CREBZF: variants seen among roughly 807,000 people sequenced by gnomAD.
The protein encoded by CREBZF is CREB/ATF bZIP transcription factor, also known as HCF-binding transcription factor Zhangfei.
In CREBZF, 8 loss-of-function variants were observed where a neutral mutation model predicts 21.1. That is an observed-to-expected ratio of 0.38 (90% CI 0.22 to 0.68). CREBZF has a LOEUF of 0.68. CREBZF is among the 30% of genes least tolerant of loss of function. The pLI is 0.51. For synonymous variants in CREBZF, 270 were observed against 223.3 expected, an observed-to-expected ratio of 1.21 and a Z score of -1.86; for missense variants, 518 against 484.3, an observed-to-expected ratio of 1.07 and a Z score of -0.65.
In CREBZF at chr11:85,663,973, G is replaced by C. The variant is rs746680433; in HGVS notation, c.903C>G (p.Ala301=). Residue 301 remains alanine (A), a synonymous_variant, in exon 1 of 1, where the codon GCC becomes GCG. Transcript: ENST00000527447. Reference sequence around the variant, plus strand: ...CCGGCAGAGCGTAGTCGTGGTCACCGGCGGGCGAGTCTCTGAAGAGCGAGG... The same window carrying C: ...CCGGCAGAGCGTAGTCGTGGTCACCCGCGGGCGAGTCTCTGAAGAGCGAGG... ...LTTSLFRDSP[A]GDHDYALPVG... is the part of the protein sequence containing the mutation. 1.2e-5 allele frequency: 19 copies of C among 1,613,176 alleles called. No individual in the cohort carries two copies. The highest frequency in any genetic ancestry group is 1.7e-5 in the Admixed American group (1 of 60,004).
chr11:85,664,773 G>A lies in CREBZF; in HGVS notation c.103C>T (p.Leu35=), dbSNP rs767889807. The A allele has an allele frequency of 5.6e-6, 9 of 1,596,164 alleles. No individual in the cohort carries two copies. In the African/African-American group the frequency reaches 1.2e-4, roughly 22 times the overall value. The change falls in exon 1 of 1, where the codon CTG becomes TTG. Residue 35 remains leucine, a synonymous_variant. Coordinates refer to ENST00000527447, the MANE Select transcript of CREBZF (RefSeq NM_001039618.4). The surrounding 1 kb of genome is among the most constrained non-coding windows in gnomAD (Gnocchi z 5.5). ...TCCTCCCCCGCTGCAGCCCGGGTCA[G>A]GTCAGAGGGCAGCGAACAAGTTGCA... The part of the protein sequence containing the change: ...PAATCSLPSD[L]TRAAAGEEET...
chr11:85,673,329 T>A (rs1251148057), intron 1 of CREBZF, among the ~76,000 whole-genome samples: 1 of 152,232 alleles, frequency 6.6e-6, no homozygotes, highest in Non-Finnish European at 1.5e-5. Flanking sequence ...TCGGAGATAC[T>A]GCAGATTTGA....
intron 1 of CREBZF, among the ~76,000 whole-genome samples, chr11:85,672,660 G>A (rs1591490152): frequency 6.6e-6 from 1 of 152,164 alleles, no homozygotes; most frequent in African/African-American, 2.4e-5. Context: ...ATGGAGGGAG[G>A]TTTCAGTTCC....
intron 1 of CREBZF, among the ~76,000 whole-genome samples, chr11:85,671,182 A>C (rs2082908956): frequency 6.6e-6 from 1 of 152,200 alleles, no homozygotes; most frequent in Non-Finnish European, 1.5e-5. Context: ...TAGGCAAGAG[A>C]GCATATGTAG....
chr11:85,667,919 A>C (rs191808952), upstream of CREBZF, among the ~76,000 whole-genome samples: 23 of 152,246 alleles, frequency 1.5e-4, no homozygotes, highest in African/African-American at 4.8e-4. Context: ...GCAGTAAGCC[A>C]AGATCACGCC....
intron 1 of CREBZF, among the ~76,000 whole-genome samples, chr11:85,676,593 C>T (rs2082943950): frequency 6.6e-6 from 1 of 152,070 alleles, no homozygotes; most frequent in South Asian, 2.1e-4. Flanking sequence ...CATGTCGTTT[C>T]ATCCCTATAC....
chr11:85,663,939 G>C lies in CREBZF; in HGVS notation c.937C>G (p.Gln313Glu), dbSNP rs749384145. The C allele has an allele frequency of 3.3e-5, 53 of 1,613,732 alleles. No individual in the cohort carries two copies. Among genetic ancestry groups the C allele is most frequent in the Middle Eastern group, 1.6e-4 (1 of 6,084 alleles). ...DHDYALPVGK[Q>E]KQDLLEEDDS... ...TCCTCTTCCAGCAGGTCCTGCTTCT[G>C]CTTTCCCACCGGCAGAGCGTAGTCG... Residue 313 changes from glutamine to glutamate, a missense_variant, in exon 1 of 1, where the codon CAG (glutamine) becomes GAG (glutamate). Coordinates refer to ENST00000527447, the MANE Select transcript of CREBZF (RefSeq NM_001039618.4).
rs958875699 is a variant in CREBZF at position 85,661,372 on chromosome 11, C to T, written c.*2439G>A. On this transcript the variant is annotated 3_prime_UTR_variant, in exon 1 of 1. Coordinates refer to ENST00000527447, the MANE Select transcript of CREBZF (RefSeq NM_001039618.4). ...AACTGAGAAAAGACAGTTAATAAAA[C>T]ATAAGGAACCTAACAAAGCAGCTTT... is the stretch of plus-strand genomic sequence containing the variant. 10 of 151,804 alleles carry T rather than the reference C, an allele frequency of 6.6e-5. No homozygotes were observed. The highest frequency in any genetic ancestry group is 2.4e-4 in the African/African-American group (10 of 41,200). 9.4% of individuals were successfully genotyped at this position (151,804 alleles called of 1,614,324 possible). A position where few individuals can be genotyped will look rare whatever the true frequency, so the allele number is the denominator to read the frequency against.
rs570905085 is a variant in CREBZF, at chr11:85,679,825, C to T, written n.147+2892G>A. 2.6e-5 allele frequency among the ~76,000 whole-genome samples: 4 copies of T among 152,334 alleles called. No homozygotes were observed. In the East Asian group the frequency reaches 7.7e-4, roughly 29 times the overall value. On this transcript the variant is annotated intron_variant and non_coding_transcript_variant, in intron 1 of 3. Coordinates refer to the CREBZF transcript ENST00000531515. The stretch of plus-strand genomic sequence containing the variant: ...TGGCTTTATCTAAAATATGCCGTGC[C>T]TACCCAGTTCTTGGAGAGGGGAAAA...
At chr11:85,678,140 C>T (rs1256126694) in intron 1 of CREBZF, among the ~76,000 whole-genome samples, 1 of 152,134 alleles carries the variant, frequency 6.6e-6, no homozygotes, top group Non-Finnish European at 1.5e-5. Context: ...TGACAGAATT[C>T]CATTAGTCTC....
At chr11:85,682,247 T>C (rs533397792) in intron 1 of CREBZF, among the ~76,000 whole-genome samples, 47 of 152,184 alleles carry the variant, frequency 3.1e-4, no homozygotes, top group African/African-American at 1.1e-3. Flanking sequence ...ATTGCGATAA[T>C]TGAACCTCCC....
rs528108583 is a variant in CREBZF, at chr11:85,678,891, G to T, written n.147+3826C>A. ...GCACTAATACTTCAGCTGGTTTGCTGATCATAGATCTGAGTTTCCAAAGGG... is the reference window on the plus strand; with the variant it reads ...GCACTAATACTTCAGCTGGTTTGCTTATCATAGATCTGAGTTTCCAAAGGG... On this transcript the variant is annotated intron_variant and non_coding_transcript_variant, in intron 1 of 3. Coordinates refer to the CREBZF transcript ENST00000531515. Among the ~76,000 whole-genome samples the T allele has an allele frequency of 4.6e-5, 7 of 152,314 alleles. No homozygotes were observed. The South Asian group carries it at 8.3e-4, about 18-fold the overall frequency.
chr11:85,663,822 G>C lies in CREBZF; in HGVS notation c.1054C>G (p.Leu352Val). Residue 352 changes from leucine to valine, a missense_variant, in exon 1 of 1, where the codon CTT (leucine) becomes GTT (valine). Around this residue, in one of 3 missense-constraint regions of CREBZF, gnomAD observed 114 missense variants for 134.1 expected, o/e 0.85. Transcript: ENST00000527447. ...CAGATTACTTGACCCTACATTTTAA[G>C]AGAAGACGACGCCTTCCGGGCGCAC... is the stretch of plus-strand genomic sequence containing the variant. Reference protein sequence around the residue: ...SACARKASSSLKM With the variant: ...SACARKASSSVKM The C allele has an allele frequency of 1.3e-6, 2 of 1,599,830 alleles. No individual in the cohort carries two copies. Among genetic ancestry groups the C allele is most frequent in the Non-Finnish European group, 1.7e-6 (2 of 1,175,422 alleles).
At chr11:85,677,266 A>C (rs1303815977) in intron 1 of CREBZF, among the ~76,000 whole-genome samples, 1 of 152,006 alleles carries the variant, frequency 6.6e-6, no homozygotes, top group Admixed American at 6.6e-5. Flanking sequence ...CACCCGGCTT[A>C]AGTCATTTTT....
Position 85,660,537 on chromosome 11 carries a change from C to T in CREBZF, c.*3274G>A, listed in dbSNP as rs1591471293. The T allele has an allele frequency of 2.3e-6, 1 of 440,614 alleles. No homozygotes were observed. Among genetic ancestry groups the T allele is most frequent in the South Asian group, 1.6e-5 (1 of 61,360 alleles). The allele number at this position is 440,614 out of a possible 1,614,324, so 27.3% of individuals were successfully genotyped here. On this transcript the variant is annotated 3_prime_UTR_variant, in exon 1 of 1. Coordinates refer to ENST00000527447, the MANE Select transcript of CREBZF (RefSeq NM_001039618.4). Reference sequence around the variant, plus strand: ...CATGGTTCTCACAATTACTTTGTTACCAACAGTCCAGTCAGTTAACAGGTT... The same window carrying T: ...CATGGTTCTCACAATTACTTTGTTATCAACAGTCCAGTCAGTTAACAGGTT...
chr11:85,665,008 C>T lies in CREBZF; in HGVS notation c.-133G>A. 1.7e-6 allele frequency: 1 copy of T among 577,612 alleles called. No homozygotes were observed. The highest frequency in any genetic ancestry group is 3.4e-5 in the East Asian group (1 of 29,354). 35.8% of individuals were successfully genotyped at this position (577,612 alleles called of 1,614,324 possible). A position where few individuals can be genotyped will look rare whatever the true frequency, so the allele number is the denominator to read the frequency against. On this transcript the variant is annotated 5_prime_UTR_variant, in exon 1 of 1. Transcript: ENST00000527447. ...AAATGCAGGGAAAGGTCCGAGTCGC[C>T]TCCCGCCTCACTTGGCTAGTCGACC...
intron 1 of CREBZF, among the ~76,000 whole-genome samples, chr11:85,671,132 G>A (rs1340842373): frequency 6.6e-6 from 1 of 152,200 alleles, no homozygotes; most frequent in Non-Finnish European, 1.5e-5. Context: ...CAATCATGGT[G>A]GAAGGCAAAG....
In CREBZF at chr11:85,664,705, A is replaced by C. The variant is rs758715356; in HGVS notation, c.171T>G (p.Phe57Leu). 1.9e-6 allele frequency: 3 copies of C among 1,603,846 alleles called. No homozygotes were observed. The Admixed American group carries it at 5.2e-5, about 28-fold the overall frequency. The change falls in exon 1 of 1, where the codon TTT becomes TTG. Residue 57 changes from phenylalanine to leucine, a missense_variant. This residue lies in a region of CREBZF where 396 missense variants were observed against 324.4 expected (regional missense o/e 1.22). Transcript: ENST00000527447. The surrounding 1 kb of genome is among the most constrained non-coding windows in gnomAD (Gnocchi z 5.5). Reference protein sequence around the residue: ...AAGSPGRKQQFGDEGELEAGR... With the variant: ...AAGSPGRKQQLGDEGELEAGR... ...CGGCTTCCAACTCTCCTTCGTCGCC[A>C]AACTGCTGCTTGCGGCCGGGAGATC...
chr11:85,674,701 T>A (rs904610804), intron 1 of CREBZF, among the ~76,000 whole-genome samples: 2 of 152,228 alleles, frequency 1.3e-5, no homozygotes, highest in East Asian at 3.8e-4. Flanking sequence ...TTGTCCACAG[T>A]GAAAATCTGT....
Sources: allele counts gnomAD v4.1 joint callset (sites outside exome capture counted in the v4.1 genomes callset), GRCh38; gene constraint gnomAD v4.1.1; regional missense constraint gnomAD v4.1.1; non-coding constraint Gnocchi (gnomAD v3.1); transcripts MANE v1.5; gene names NCBI Gene and HGNC (gene_info 2026-07-23, HGNC 2026-07-21).